RAB40A: variants seen among roughly 807,000 people sequenced by gnomAD.
The protein encoded by RAB40A is RAB40A, member RAS oncogene family.
For synonymous variants in RAB40A, 65 were observed against 99.9 expected (o/e 0.65, Z 2.08); for missense variants, 145 against 230.2 (o/e 0.63, Z 2.40).
intron 2 of RAB40A, among the ~76,000 whole-genome samples, chrX:103,516,139 GA>G (rs1383427891): frequency 8.0e-5 from 9 of 111,945 alleles, no homozygotes; most frequent in Non-Finnish European, 1.7e-4. Flanking sequence ...TCCTAAGCTG[GA>G]CTAATTTCAT....
intron 2 of RAB40A, among the ~76,000 whole-genome samples, 181 bp downstream of exon 2, chrX:103,517,193 T>C (rs1406718106): frequency 8.9e-6 from 1 of 111,793 alleles, no homozygotes; most frequent in African/African-American, 3.3e-5. Context: ...ATAAAAGACA[T>C]AAATAGTTAC....
At chrX:103,503,433 A>T (rs1373252273) in intron 2 of RAB40A, 6 of 753,624 alleles carry the variant, frequency 8.0e-6, no homozygotes, top group Non-Finnish European at 9.4e-6. Flanking sequence ...GGGACAACGT[A>T]TACTGAGGAG....
chrX:103,494,500 T>C (rs1242659421), downstream of RAB40A, among the ~76,000 whole-genome samples: 1 of 112,212 alleles, frequency 8.9e-6, no homozygotes, highest in Non-Finnish European at 1.9e-5. Flanking sequence ...CTAGAAATCT[T>C]TGCCCAGACC....
chrX:103,497,486 G>A (rs1346545499), downstream of RAB40A: 1 of 112,037 alleles, frequency 8.9e-6, no homozygotes. Context: ...TGTCTGAGAA[G>A]ATGCAGCTTC....
chrX:103,515,131 C>T (rs1401548038), intron 2 of RAB40A, among the ~76,000 whole-genome samples: 2 of 112,241 alleles, frequency 1.8e-5, no homozygotes, highest in Admixed American at 9.5e-5. Flanking sequence ...AAAGTGTCTT[C>T]TAGACAAGGA....
intron 2 of RAB40A, among the ~76,000 whole-genome samples, chrX:103,508,118 T>A (rs781068470): frequency 4.3e-4 from 48 of 112,460 alleles, no homozygotes; most frequent in Admixed American, 7.5e-4. Flanking sequence ...AATACAGCCC[T>A]TAGTGGGGTT....
At chrX:103,501,149 T>C (rs2073225338) in intron 2 of RAB40A, 1 of 158,446 alleles carries the variant, frequency 6.3e-6, no homozygotes, top group Non-Finnish European at 1.3e-5. Flanking sequence ...ACGTACCCTA[T>C]GCTGTGTATG....
intron 2 of RAB40A, among the ~76,000 whole-genome samples, chrX:103,512,550 C>T (rs2073296437): frequency 9.0e-6 from 1 of 111,726 alleles, no homozygotes; most frequent in Non-Finnish European, 1.9e-5. Context: ...AGAATTACAG[C>T]AGTTGCAGGA....
chrX:103,509,091 A>G (rs912673127), intron 2 of RAB40A, among the ~76,000 whole-genome samples: 9 of 112,023 alleles, frequency 8.0e-5, no homozygotes, highest in Non-Finnish European at 1.5e-4. Flanking sequence ...CTCGAAAAAC[A>G]TAGTTCATTG....
downstream of RAB40A, among the ~76,000 whole-genome samples, chrX:103,495,035 C>T (rs1186355690): frequency 3.6e-5 from 4 of 111,777 alleles, no homozygotes; most frequent in Non-Finnish European, 3.8e-5. Flanking sequence ...TTGATTCTTC[C>T]AATCAATGAA....
At chrX:103,514,294 G>A (rs1219605374) in intron 2 of RAB40A, among the ~76,000 whole-genome samples, 1 of 112,087 alleles carries the variant, frequency 8.9e-6, no homozygotes, top group African/African-American at 3.2e-5. Flanking sequence ...CTAAATGCTT[G>A]TTAATGATTA....
At chrX:103,505,956 TATC>T (rs1338811692) in intron 2 of RAB40A, among the ~76,000 whole-genome samples, 7 of 111,801 alleles carry the variant, frequency 6.3e-5, no homozygotes, top group Non-Finnish European at 1.1e-4. Flanking sequence ...ATACTTAAAA[TATC>T]ATCCTTCTCC....
At chrX:103,504,625 G>C (rs1056320733) in intron 2 of RAB40A, among the ~76,000 whole-genome samples, 2 of 111,528 alleles carry the variant, frequency 1.8e-5, no homozygotes, top group Non-Finnish European at 3.8e-5. Flanking sequence ...AGGTTCAAGC[G>C]ATTCTCGTGC....
Position 103,500,565 on chromosome X carries a change from C to G in RAB40A, c.192G>C (p.Lys64Asn), listed in dbSNP as rs1424332308. 8 of 1,209,548 alleles carry G rather than the reference C, an allele frequency of 6.6e-6. No individual in the cohort carries two copies. The highest frequency in any genetic ancestry group is 7.8e-6 in the Non-Finnish European group (7 of 894,954). The change falls in exon 3 of 3, where the codon AAG becomes AAC. Residue 64 changes from lysine to asparagine, a missense_variant. By Grantham distance (94) the Lys-to-Asn change is moderately conservative. Transcript: ENST00000304236. Reference sequence around the variant, plus strand: ...GCCCCGACGTATCCCAGAGCTTCAGCTTCACCCGCTGGCCGTCCAGCAGGA... The same window carrying G: ...GCCCCGACGTATCCCAGAGCTTCAGGTTCACCCGCTGGCCGTCCAGCAGGA... ...TTILLDGQRVKLKLWDTSGQG... is the reference protein window; with the variant it reads ...TTILLDGQRVNLKLWDTSGQG...
chrX:103,500,387 C>A lies in RAB40A; in HGVS notation c.370G>T (p.Val124Leu), dbSNP rs2073217651. ...AATGCCAGATGTAGGCGATTCCCCA[C>A]CAGGATTTTAGGGACACCAGGGGCA... ...EHAPGVPKIL[V>L]GNRLHLAFKR... Residue 124 changes from valine to leucine, a missense_variant, in exon 3 of 3, where the codon GTG becomes TTG. Transcript: ENST00000304236. The A allele has an allele frequency of 1.2e-5, 14 of 1,211,543 alleles. No homozygotes were observed. Among genetic ancestry groups the A allele is most frequent in the Non-Finnish European group, 1.6e-5 (14 of 895,312 alleles).
intron 2 of RAB40A, among the ~76,000 whole-genome samples, chrX:103,505,959 C>T (rs570754135): frequency 6.3e-5 from 7 of 111,573 alleles, no homozygotes; most frequent in African/African-American, 2.3e-4. Context: ...CTTAAAATAT[C>T]ATCCTTCTCC....
At position 103,500,227 on chromosome X, in the gene RAB40A, C is replaced by T. The variant is rs778254688; in HGVS notation, c.530G>A (p.Arg177Gln). Residue 177 changes from arginine (R) to glutamine (Q), a missense_variant, in exon 3 of 3, where the codon CGG becomes CAG. By Grantham distance (43) the Arg-to-Gln change is conservative. Transcript: ENST00000304236. ...FTELARIVLL[R>Q]HRMNWLGRPS... ...CCTCCCGAGCCAATTCATCCTGTGC[C>T]GCAGCAGCACTATCCTGGCCAGCTC... is the stretch of plus-strand genomic sequence containing the variant. The T allele has an allele frequency of 7.4e-6, 9 of 1,209,496 alleles. No individual in the cohort carries two copies. Among genetic ancestry groups the T allele is most frequent in the South Asian group, 7.0e-5 (4 of 56,809 alleles).
At chrX:103,507,642 G>A (rs1350449259) in intron 2 of RAB40A, among the ~76,000 whole-genome samples, 1 of 112,080 alleles carries the variant, frequency 8.9e-6, no homozygotes, top group African/African-American at 3.2e-5. Flanking sequence ...AGATTAAAAA[G>A]TTTTCTCTCT....
rs1431826458 is a variant in RAB40A, at chrX:103,500,542, C to T, written c.215G>A (p.Gly72Glu). 5 of 1,211,210 alleles carry T rather than the reference C, an allele frequency of 4.1e-6. No homozygotes were observed. The highest frequency in any genetic ancestry group is 5.6e-6 in the Non-Finnish European group (5 of 895,218). Residue 72 changes from glycine (G) to glutamate (E), a missense_variant, in exon 3 of 3, where the codon GGG becomes GAG. Coordinates refer to ENST00000304236, the MANE Select transcript of RAB40A (RefSeq NM_080879.3). ...RVKLKLWDTSGQGRFCTIFRS... is the reference protein window; with the variant it reads ...RVKLKLWDTSEQGRFCTIFRS... ...GAATATGGTACAAAATCTTCCCTGCCCCGACGTATCCCAGAGCTTCAGCTT... is the reference window on the plus strand; with the variant it reads ...GAATATGGTACAAAATCTTCCCTGCTCCGACGTATCCCAGAGCTTCAGCTT...
Sources: gnomAD v4.1 joint callset for allele counts (sites outside exome capture counted in the v4.1 genomes callset) on GRCh38, gnomAD v4.1.1 for gene constraint, MANE v1.5 for transcripts, NCBI Gene and HGNC (gene_info 2026-07-23, HGNC 2026-07-21) for gene names.